Variants in RHOH observed in about 807,000 individuals in gnomAD.
RHOH encodes the protein rho-related GTP-binding protein RhoH.
In RHOH, 6 loss-of-function variants were observed where a neutral mutation model predicts 13.8. The observed-to-expected ratio is 0.44, with a 90% CI of 0.24 to 0.86. RHOH has a LOEUF of 0.86. Among genes scored for constraint, RHOH ranks in the 40% least tolerant of loss-of-function variants. The probability of loss-of-function intolerance (pLI) is 0.24; values close to 1 mark genes in which losing one functional copy is unlikely to be tolerated. For synonymous variants in RHOH, 117 were observed against 103.0 expected (o/e 1.14, Z -0.82); for missense variants, 147 against 244.5 (o/e 0.60, Z 2.66).
chr4:40,237,996 A>G (rs1471184353), intron 1 of RHOH, among the ~76,000 whole-genome samples: 2 of 152,240 alleles, frequency 1.3e-5, no homozygotes. Flanking sequence ...AAGTATTGTA[A>G]AAGTACAAAC....
chr4:40,203,552 G>C lies in RHOH; in HGVS notation c.-331+6252G>C, dbSNP rs573082870. 1.3e-3 allele frequency among the ~76,000 whole-genome samples: 194 copies of C among 150,272 alleles called. 1 individual carries two copies. The highest frequency in any genetic ancestry group is 4.6e-3 in the African/African-American group (182 of 39,776). Reference sequence around the variant, plus strand: ...TGTGTGTGTGTGTGTGTGAGAGAGAGAGAGTGTGTGTGTGTGTGTTGAAGG... The same window carrying C: ...TGTGTGTGTGTGTGTGTGAGAGAGACAGAGTGTGTGTGTGTGTGTTGAAGG... On this transcript the variant is annotated intron_variant, in intron 1 of 2. Coordinates refer to ENST00000381799, the MANE Select transcript of RHOH (RefSeq NM_004310.5).
intron 1 of RHOH, among the ~76,000 whole-genome samples, chr4:40,208,325 G>T (rs1004994835): frequency 2.6e-5 from 4 of 152,104 alleles, no homozygotes; most frequent in Non-Finnish European, 5.9e-5. Context: ...TGCCAATTTT[G>T]GGAGTGCTTA....
At chr4:40,228,641 C>G (rs1437407806) in intron 1 of RHOH, among the ~76,000 whole-genome samples, 1 of 152,056 alleles carries the variant, frequency 6.6e-6, no homozygotes, top group Non-Finnish European at 1.5e-5. Flanking sequence ...GTATCTTGAA[C>G]TTGGTGGAGG....
intron 1 of RHOH, among the ~76,000 whole-genome samples, chr4:40,239,279 G>C (rs540111492): frequency 2.8e-4 from 43 of 152,288 alleles, no homozygotes; most frequent in African/African-American, 1.0e-3. Flanking sequence ...GTCAGAACTG[G>C]CTGGCACATG....
chr4:40,213,194 C>G (rs1467221418), intron 1 of RHOH, among the ~76,000 whole-genome samples: 1 of 152,086 alleles, frequency 6.6e-6, no homozygotes, highest in Non-Finnish European at 1.5e-5. Flanking sequence ...AAACAAAACC[C>G]TCTGTATCAT....
At chr4:40,228,942 G>A in intron 1 of RHOH, among the ~76,000 whole-genome samples, 1 of 152,138 alleles carries the variant, frequency 6.6e-6, no homozygotes, top group Middle Eastern at 3.2e-3. Flanking sequence ...TCTACCCAGG[G>A]AGGGCCGAGG....
At chr4:40,198,612 C>T (rs1723540889) in intron 1 of RHOH, among the ~76,000 whole-genome samples, 1 of 152,200 alleles carries the variant, frequency 6.6e-6, no homozygotes, top group Non-Finnish European at 1.5e-5. Flanking sequence ...TCCATTTGCC[C>T]TCTACTGTCT....
At chr4:40,226,483 G>T (rs940440669) in intron 1 of RHOH, among the ~76,000 whole-genome samples, 1 of 145,804 alleles carries the variant, frequency 6.9e-6, no homozygotes, top group Non-Finnish European at 1.5e-5. Flanking sequence ...CCGAGATCAC[G>T]CCATTGCACT....
intron 1 of RHOH, among the ~76,000 whole-genome samples, chr4:40,241,906 A>AAAAT (rs1386957640): frequency 6.6e-6 from 1 of 152,202 alleles, no homozygotes; most frequent in Non-Finnish European, 1.5e-5. Flanking sequence ...AAGAAAAAGA[A>AAAAT]AAAATAAATG....
At position 40,243,069 on chromosome 4, in the gene RHOH, C is replaced by T. The variant is rs1729447533; in HGVS notation, c.-209-109C>T. ...GCACAAGCGGGGTTGGATGGCTACACTGAGATTACCCCACATTTAATCAGT... is the reference window on the plus strand; with the variant it reads ...GCACAAGCGGGGTTGGATGGCTACATTGAGATTACCCCACATTTAATCAGT... On this transcript the variant is annotated intron_variant, in intron 2 of 2. Coordinates refer to ENST00000381799, the MANE Select transcript of RHOH (RefSeq NM_004310.5). This position sits in a 1 kb window ranked among gnomAD's most constrained non-coding sequence, Gnocchi z 6.2. The T allele has an allele frequency of 3.6e-6, 1 of 280,078 alleles. No individual in the cohort carries two copies. The highest frequency in any genetic ancestry group is 2.2e-5 in the African/African-American group (1 of 45,640). 17.3% of individuals were successfully genotyped at this position (280,078 alleles called of 1,614,324 possible).
At chr4:40,208,187 A>G (rs1381141319) in intron 1 of RHOH, among the ~76,000 whole-genome samples, 3 of 152,162 alleles carry the variant, frequency 2.0e-5, no homozygotes, top group Non-Finnish European at 4.4e-5. Flanking sequence ...CCTACAATCA[A>G]TCGAGCTATT....
intron 1 of RHOH, among the ~76,000 whole-genome samples, chr4:40,238,366 T>C (rs185498363): frequency 2.9e-4 from 44 of 152,334 alleles, no homozygotes; most frequent in African/African-American, 1.0e-3. Context: ...AATTGGTGTC[T>C]GTTAGCATGG....
At chr4:40,227,889 C>A (rs1727442938) in intron 1 of RHOH, among the ~76,000 whole-genome samples, 1 of 151,820 alleles carries the variant, frequency 6.6e-6, no homozygotes. Flanking sequence ...AATATTATAC[C>A]CAGTGAGAGT....
At chr4:40,196,773 G>A (rs554316205), upstream of RHOH, 3 of 143,038 alleles carry the variant, frequency 2.1e-5, no homozygotes, top group African/African-American at 5.3e-5. Context: ...TCAGTTTTAC[G>A]TAGGGCTTTG....
intron 1 of RHOH, among the ~76,000 whole-genome samples, chr4:40,219,502 G>A (rs184630109): frequency 4.0e-5 from 6 of 151,764 alleles, no homozygotes; most frequent in African/African-American, 1.5e-4. Context: ...TAATAGCTTT[G>A]GAAAAATGCA....
rs200653414 is a variant in RHOH at position 40,243,885 on chromosome 4, G to A, written c.499G>A (p.Val167Ile). The A allele has an allele frequency of 6.8e-6, 11 of 1,614,152 alleles. No homozygotes were observed. The highest frequency in any genetic ancestry group is 9.3e-6 in the Non-Finnish European group (11 of 1,180,004). The change falls in exon 3 of 3, where the codon GTC becomes ATC. Residue 167 changes from valine (V) to isoleucine (I), a missense_variant. Around this residue, in one of 3 missense-constraint regions of RHOH, gnomAD observed 31 missense variants for 61.8 expected, o/e 0.50. Coordinates refer to ENST00000381799, the MANE Select transcript of RHOH (RefSeq NM_004310.5). The surrounding 1 kb of genome is among the most constrained non-coding windows in gnomAD (Gnocchi z 6.2). ...RGVQQVFECA[V>I]RTAVNQARRR... ...AGTACAGCAGGTGTTTGAGTGCGCC[G>A]TCCGAACTGCCGTCAACCAGGCCAG...
chr4:40,216,426 A>T (rs187844667), intron 1 of RHOH, among the ~76,000 whole-genome samples: 4 of 151,992 alleles, frequency 2.6e-5, no homozygotes, highest in African/African-American at 7.2e-5. Flanking sequence ...CCGAGATCGC[A>T]CCACTGCACT....
Position 40,245,644 on chromosome 4 carries a change from C to G in RHOH, c.*1682C>G, listed in dbSNP as rs1729722395. On this transcript the variant is annotated 3_prime_UTR_variant, in exon 3 of 3. Coordinates refer to ENST00000381799, the MANE Select transcript of RHOH (RefSeq NM_004310.5). ...ATCAAAACTTAGAAACACTCTGAAC[C>G]ACCTTTATGAAGGTACATCATTGTT... The G allele has an allele frequency of 6.6e-6, 1 of 151,760 alleles. No individual in the cohort carries two copies. Among genetic ancestry groups the G allele is most frequent in the Non-Finnish European group, 1.5e-5 (1 of 67,960 alleles). The allele number at this position is 151,760 out of a possible 1,614,324, so 9.4% of individuals were successfully genotyped here. A position where few individuals can be genotyped will look rare whatever the true frequency, so the allele number is the denominator to read the frequency against.
intron 1 of RHOH, among the ~76,000 whole-genome samples, chr4:40,203,521 AGTGTGT>A (rs142926219): frequency 2.0e-5 from 3 of 147,150 alleles, no homozygotes; most frequent in Non-Finnish European, 3.0e-5. Flanking sequence ...TATATCTGTG[AGTGTGT>A]GTGTGTGTGT....
Sources: gnomAD v4.1 joint callset for allele counts (sites outside exome capture counted in the v4.1 genomes callset) on GRCh38, gnomAD v4.1.1 for gene constraint, gnomAD v4.1.1 regional missense constraint, Gnocchi (gnomAD v3.1) non-coding constraint, MANE v1.5 for transcripts, NCBI Gene and HGNC (gene_info 2026-07-23, HGNC 2026-07-21) for gene names.